PLEKHA7: variants seen among roughly 807,000 people sequenced by gnomAD.
The protein encoded by PLEKHA7 is pleckstrin homology domain containing A7.
A neutral mutation model predicts 170.0 loss-of-function variants in PLEKHA7; 104 were observed. The ratio of observed to expected loss-of-function variants is 0.61; its 90% CI spans 0.52 to 0.72. The LOEUF (loss-of-function observed/expected upper bound fraction) is 0.72, where lower values mean the gene tolerates loss of function less well. Ranked by LOEUF, PLEKHA7 falls within the 30% of genes least tolerant of loss-of-function variation. PLEKHA7 has a pLI of 0.00. For synonymous variants in PLEKHA7, 648 were observed against 660.8 expected (o/e 0.98, Z 0.30); for missense variants, 1,615 against 1,671.7 (o/e 0.97, Z 0.59).
chr11:17,012,838 C>A (rs1376817796), intron 3 of PLEKHA7, among the ~76,000 whole-genome samples: 2 of 152,214 alleles, frequency 1.3e-5, no homozygotes, highest in African/African-American at 4.8e-5. Flanking sequence ...TGAGGCAGGG[C>A]AATAGAACCG....
chr11:16,801,955 G>T, intron 15 of PLEKHA7, 138 bp from the exon 16 acceptor site: 1 of 1,049,656 alleles, frequency 9.5e-7, no homozygotes, highest in Non-Finnish European at 1.4e-6. Flanking sequence ...CCACAGTCGG[G>T]GCTCTGATGC....
At chr11:16,946,393 T>C (rs1038930197) in intron 3 of PLEKHA7, among the ~76,000 whole-genome samples, 1 of 152,122 alleles carries the variant, frequency 6.6e-6, no homozygotes, top group Non-Finnish European at 1.5e-5. Flanking sequence ...GAAACCCTCC[T>C]TTCTCACTCC....
At chr11:16,963,619 C>T (rs1307174788) in intron 3 of PLEKHA7, among the ~76,000 whole-genome samples, 2 of 152,080 alleles carry the variant, frequency 1.3e-5, no homozygotes, top group Non-Finnish European at 2.9e-5. Context: ...TACTTTGTGG[C>T]CTAAATCTTG....
chr11:16,803,341 A>T (rs561241729), intron 13 of PLEKHA7, 46 bp from the exon 14 acceptor site: 2 of 1,567,512 alleles, frequency 1.3e-6, no homozygotes, highest in Admixed American at 3.3e-5. Flanking sequence ...GGTGTTTGAG[A>T]TCAGAACTCA....
chr11:16,850,850 G>T (rs1437865168), intron 8 of PLEKHA7, among the ~76,000 whole-genome samples: 1 of 152,146 alleles, frequency 6.6e-6, no homozygotes, highest in Non-Finnish European at 1.5e-5. Context: ...ACTATGAGGG[G>T]TCACCAGTTG....
intron 3 of PLEKHA7, among the ~76,000 whole-genome samples, chr11:16,976,068 T>C (rs577134944): frequency 7.2e-5 from 11 of 152,316 alleles, no homozygotes; most frequent in African/African-American, 1.2e-4. Flanking sequence ...CAGGCATAGG[T>C]ACTCATCAAT....
intron 23 of PLEKHA7, 141 bp downstream of exon 23, chr11:16,788,955 A>G (rs910817347): frequency 2.8e-6 from 3 of 1,074,002 alleles, no homozygotes; most frequent in Non-Finnish European, 4.0e-6. Flanking sequence ...GTGGACAAAC[A>G]GCCCCGTGGG....
chr11:16,822,502 GAAAAAAAA>G (rs775136335), intron 10 of PLEKHA7, among the ~76,000 whole-genome samples: 8 of 78,956 alleles, frequency 1.0e-4, no homozygotes, highest in Admixed American at 1.5e-4. Flanking sequence ...TTTGGTAGGG[GAAAAAAAA>G]AAAAAAAAAA....
intron 13 of PLEKHA7, among the ~76,000 whole-genome samples, chr11:16,805,332 G>A (rs1848884264): frequency 1.3e-5 from 2 of 152,210 alleles, no homozygotes; most frequent in South Asian, 4.1e-4. Flanking sequence ...TTGAGAAGAA[G>A]CTGAATCCTC....
At chr11:16,989,799 G>A (rs944837946) in intron 3 of PLEKHA7, among the ~76,000 whole-genome samples, 2 of 151,914 alleles carry the variant, frequency 1.3e-5, no homozygotes, top group Non-Finnish European at 2.9e-5. Flanking sequence ...TGGCCCCCCC[G>A]CCCCCAATGC....
chr11:16,816,703 T>G (rs1443618423), intron 11 of PLEKHA7, 97 bp downstream of exon 11: 18 of 1,425,834 alleles, frequency 1.3e-5, no homozygotes, highest in Non-Finnish European at 1.7e-5. Flanking sequence ...TAGCTATCAT[T>G]ATTATCCCAA....
At chr11:16,815,823 C>A (rs192002063) in intron 12 of PLEKHA7, among the ~76,000 whole-genome samples, 5 of 152,198 alleles carry the variant, frequency 3.3e-5, no homozygotes, top group African/African-American at 1.2e-4. Flanking sequence ...GTCTCAGACT[C>A]GAGCTTTGAA....
intron 3 of PLEKHA7, among the ~76,000 whole-genome samples, chr11:16,920,229 C>T (rs925087617): frequency 3.3e-5 from 5 of 152,118 alleles, no homozygotes; most frequent in African/African-American, 4.8e-5. Context: ...TTGTAAATTC[C>T]GAAGAGAGGA....
intron 12 of PLEKHA7, 110 bp from the exon 13 acceptor site, chr11:16,813,276 C>A: frequency 1.2e-6 from 1 of 839,732 alleles, no homozygotes; most frequent in Non-Finnish European, 1.9e-6. Context: ...GAACAAGGAA[C>A]CACAGCAGAC....
intron 10 of PLEKHA7, among the ~76,000 whole-genome samples, chr11:16,822,363 C>T (rs1024809689): frequency 6.6e-6 from 1 of 152,010 alleles, no homozygotes; most frequent in East Asian, 1.9e-4. Context: ...CAGGTTTGCC[C>T]ATCTAAGCCC....
At chr11:16,837,925 G>C (rs1350867897) in intron 9 of PLEKHA7, among the ~76,000 whole-genome samples, 2 of 152,120 alleles carry the variant, frequency 1.3e-5, no homozygotes, top group Non-Finnish European at 2.9e-5. Context: ...TGGTGCCCCA[G>C]TGACATAAGG....
At chr11:16,927,901 A>G (rs936053869) in intron 3 of PLEKHA7, among the ~76,000 whole-genome samples, 2 of 152,208 alleles carry the variant, frequency 1.3e-5, no homozygotes, top group African/African-American at 4.8e-5. Flanking sequence ...GATGGAATAC[A>G]TACAACTTTT....
chr11:16,968,786 T>C (rs948427945), intron 3 of PLEKHA7, among the ~76,000 whole-genome samples: 1 of 152,152 alleles, frequency 6.6e-6, no homozygotes, highest in Non-Finnish European at 1.5e-5. Flanking sequence ...ACAAGCCTCA[T>C]AGGGATTTCA....
At position 16,782,816 on chromosome 11, in the gene PLEKHA7, CGCTCCT is replaced by C; in HGVS notation, c.3725_3730del (p.Gln1242_Glu1243del). ...CAGGGCGTAGGAGATGTTGATGATGCGCTCCTGCTCCTGCAGCTGCAAGTCCAGGTC... is the reference window on the plus strand; with the variant it reads ...CAGGGCGTAGGAGATGTTGATGATGCGCTCCTGCAGCTGCAAGTCCAGGTC... On this transcript the variant is annotated inframe_deletion, in exon 26 of 27. Coordinates refer to ENST00000531066, the MANE Select transcript of PLEKHA7 (RefSeq NM_001329630.2). The C allele has an allele frequency of 6.5e-7, 1 of 1,536,164 alleles. No individual in the cohort carries two copies. The highest frequency in any genetic ancestry group is 8.7e-7 in the Non-Finnish European group (1 of 1,146,904).
Sources: allele counts gnomAD v4.1 joint callset (sites outside exome capture counted in the v4.1 genomes callset), GRCh38; gene constraint gnomAD v4.1.1; transcripts MANE v1.5; gene names NCBI Gene and HGNC (gene_info 2026-07-23, HGNC 2026-07-21).